GIGYF2: variants seen among roughly 807,000 people sequenced by gnomAD.
GIGYF2 encodes GRB10-interacting GYF protein 2.
In GIGYF2, 25 loss-of-function variants were observed where a neutral mutation model predicts 208.1. The ratio of observed to expected loss-of-function variants is 0.12; its 90% CI spans 0.09 to 0.17. The LOEUF is 0.17. GIGYF2 is among the 10% of genes least tolerant of loss of function. The pLI is 1.00. For synonymous variants in GIGYF2, 534 were observed against 543.8 expected, an observed-to-expected ratio of 0.98 and a Z score of 0.25; for missense variants, 1,302 against 1,579.4, an observed-to-expected ratio of 0.82 and a Z score of 2.98.
In GIGYF2 at chr2:232,817,946, T is replaced by G. The variant is rs529337189; in HGVS notation, c.2370+914T>G. 6.6e-5 allele frequency among the ~76,000 whole-genome samples: 10 copies of G among 152,330 alleles called. No individual in the cohort carries two copies. The East Asian group carries it at 1.9e-3, about 29-fold the overall frequency. On this transcript the variant is annotated intron_variant, in intron 20 of 28. Coordinates refer to ENST00000373563, the MANE Select transcript of GIGYF2 (RefSeq NM_001103146.3). ...TGAATTTTTTGAAGAACTGCCGTAT[T>G]GTTTCCCACAGCTGCTGCACCACTT... is the stretch of plus-strand genomic sequence containing the variant.
At chr2:232,780,480 G>A (rs905032980) in intron 8 of GIGYF2, among the ~76,000 whole-genome samples, 4 of 152,140 alleles carry the variant, frequency 2.6e-5, no homozygotes, top group African/African-American at 4.8e-5. Flanking sequence ...TTTAAAATTT[G>A]TGTTTCTTTG....
intron 1 of GIGYF2, among the ~76,000 whole-genome samples, chr2:232,701,104 T>G (rs1365212132): frequency 6.6e-6 from 1 of 152,142 alleles, no homozygotes; most frequent in Non-Finnish European, 1.5e-5. Flanking sequence ...TGTGTGAGGT[T>G]GAAAGCAGAA....
intron 14 of GIGYF2, among the ~76,000 whole-genome samples, chr2:232,798,166 CT>C (rs970096884): frequency 1.4e-4 from 21 of 152,246 alleles, no homozygotes; most frequent in African/African-American, 4.8e-4. Context: ...TGGAATCACA[CT>C]TTTGGAGATT....
At chr2:232,845,366 G>A (rs186667260) in intron 25 of GIGYF2, among the ~76,000 whole-genome samples, 2 of 152,316 alleles carry the variant, frequency 1.3e-5, no homozygotes, top group Admixed American at 6.5e-5. Flanking sequence ...GCACTGTGCT[G>A]TAGGCCTTTT....
chr2:232,707,718 A>G (rs1356409166), intron 2 of GIGYF2, among the ~76,000 whole-genome samples: 1 of 150,024 alleles, frequency 6.7e-6, no homozygotes, highest in East Asian at 2.0e-4. Flanking sequence ...GCTCACTGCA[A>G]CCTCCACCCC....
chr2:232,832,276 G>T (rs1389035249), intron 21 of GIGYF2, among the ~76,000 whole-genome samples: 1 of 152,200 alleles, frequency 6.6e-6, no homozygotes, highest in East Asian at 1.9e-4. Context: ...GAGTTCCGCA[G>T]GGCACAATGG....
intron 21 of GIGYF2, among the ~76,000 whole-genome samples, chr2:232,824,602 G>A (rs1441339394): frequency 6.6e-6 from 1 of 152,194 alleles, no homozygotes; most frequent in African/African-American, 2.4e-5. Context: ...GGTTCATGAA[G>A]TTTAAGGAAA....
chr2:232,768,649 A>G (rs1410267329), intron 8 of GIGYF2: 1 of 1,614,064 alleles, frequency 6.2e-7, no homozygotes, highest in Non-Finnish European at 8.5e-7. Context: ...CTTTCCTGAT[A>G]GAGTACAGCT....
intron 14 of GIGYF2, among the ~76,000 whole-genome samples, chr2:232,805,893 A>G (rs1482489581): frequency 6.6e-6 from 1 of 152,222 alleles, no homozygotes; most frequent in Non-Finnish European, 1.5e-5. Flanking sequence ...GTCATATATC[A>G]TCAATGTTCA....
intron 2 of GIGYF2, among the ~76,000 whole-genome samples, chr2:232,716,941 G>A (rs1395308153): frequency 1.3e-5 from 2 of 151,366 alleles, no homozygotes; most frequent in African/African-American, 4.9e-5. Flanking sequence ...CAGTAGCTGG[G>A]ACCACAGGCT....
chr2:232,784,386 CTTTTTTT>C (rs10645449), intron 8 of GIGYF2, among the ~76,000 whole-genome samples: 1 of 92,312 alleles, frequency 1.1e-5, no homozygotes, highest in Non-Finnish European at 2.0e-5. Context: ...GAAATAATTT[CTTTTTTT>C]TTTTTTTTTT....
intron 8 of GIGYF2, among the ~76,000 whole-genome samples, chr2:232,780,567 T>G (rs892708858): frequency 1.3e-5 from 2 of 152,236 alleles, no homozygotes; most frequent in African/African-American, 4.8e-5. Context: ...GAAGAAAGCA[T>G]GCCAGCACAA....
intron 2 of GIGYF2, among the ~76,000 whole-genome samples, chr2:232,722,366 G>A (rs990074135): frequency 2.0e-5 from 3 of 152,138 alleles, no homozygotes; most frequent in Non-Finnish European, 2.9e-5. Flanking sequence ...ACCGAAGCGG[G>A]AAGAGCCCCT....
chr2:232,713,023 A>T (rs1696499915), intron 2 of GIGYF2, among the ~76,000 whole-genome samples: 1 of 152,068 alleles, frequency 6.6e-6, no homozygotes, highest in South Asian at 2.1e-4. Context: ...AGCGCTTGAG[A>T]TGCTACTAGC....
chr2:232,754,884 A>G (rs550388009), intron 5 of GIGYF2, among the ~76,000 whole-genome samples: 6 of 151,694 alleles, frequency 4.0e-5, no homozygotes, highest in Non-Finnish European at 8.8e-5. Flanking sequence ...ATACCTATAA[A>G]GTAAAAAAAA....
intron 2 of GIGYF2, among the ~76,000 whole-genome samples, chr2:232,714,049 ATGCCATTCT>A: frequency 6.7e-6 from 1 of 150,034 alleles, no homozygotes; most frequent in Non-Finnish European, 1.5e-5. Flanking sequence ...TCCCGGGTTC[ATGCCATTCT>A]CCTGCCTCAG....
chr2:232,844,215 A>C lies in GIGYF2; in HGVS notation c.3059A>C (p.Gln1020Pro). Residue 1020 changes from glutamine (Q) to proline (P), a missense_variant, in exon 24 of 29, where the codon CAG (glutamine) becomes CCG (proline). This residue lies in a region of GIGYF2 where 701 missense variants were observed against 793.0 expected (regional missense o/e 0.88). Coordinates refer to ENST00000373563, the MANE Select transcript of GIGYF2 (RefSeq NM_001103146.3). ...ARQMQKQQQQ[Q>P]QQHQQPNRAR... ...CAAATGCAAAAGCAGCAGCAGCAGC[A>C]GCAGCAACACCAGCAACCAAACAGA... 6.4e-7 allele frequency: 1 copy of C among 1,564,848 alleles called. No homozygotes were observed. Among genetic ancestry groups the C allele is most frequent in the Non-Finnish European group, 8.7e-7 (1 of 1,153,428 alleles).
chr2:232,821,722 G>GT (rs532298465), intron 21 of GIGYF2, among the ~76,000 whole-genome samples: 8 of 151,800 alleles, frequency 5.3e-5, no homozygotes, highest in African/African-American at 7.3e-5. Context: ...TTTTATTAGT[G>GT]TTTTTTTGTT....
At chr2:232,814,575 C>CCA (rs1553616935) in intron 18 of GIGYF2, among the ~76,000 whole-genome samples, 2 of 136,204 alleles carry the variant, frequency 1.5e-5, no homozygotes, top group Admixed American at 7.4e-5. Context: ...ACCCCCCCCC[C>CCA]CCAAAAAAAA....
Sources: allele counts gnomAD v4.1 joint callset (sites outside exome capture counted in the v4.1 genomes callset), GRCh38; gene constraint gnomAD v4.1.1; regional missense constraint gnomAD v4.1.1; transcripts MANE v1.5; gene names NCBI Gene and HGNC (gene_info 2026-07-23, HGNC 2026-07-21).